LMX1A: variants seen among roughly 807,000 people sequenced by gnomAD.
LMX1A encodes the protein LIM homeobox transcription factor 1-alpha.
In LMX1A, 15 loss-of-function variants were observed where a neutral mutation model predicts 49.1. That is an observed-to-expected ratio of 0.31 (90% CI 0.20 to 0.47). The LOEUF (loss-of-function observed/expected upper bound fraction) is 0.47. Ranked by LOEUF, LMX1A falls within the 20% of genes least tolerant of loss-of-function variation. The probability of loss-of-function intolerance (pLI) is 1.00; values close to 1 mark genes in which losing one functional copy is unlikely to be tolerated. For missense variants in LMX1A, 372 were observed against 475.8 expected (o/e 0.78, Z 2.03); for synonymous variants, 167 against 185.7 (o/e 0.90, Z 0.82).
chr1:165,347,286 A>C (rs1310967439), intron 3 of LMX1A, among the ~76,000 whole-genome samples: 1 of 152,220 alleles, frequency 6.6e-6, no homozygotes, highest in Non-Finnish European at 1.5e-5. Context: ...TCCCCAAACC[A>C]AATCTGAAAA....
intron 3 of LMX1A, among the ~76,000 whole-genome samples, chr1:165,338,076 G>A (rs956554605): frequency 2.0e-5 from 3 of 152,022 alleles, no homozygotes; most frequent in South Asian, 2.1e-4. Context: ...TCCTAAGAAC[G>A]AATAAGTACT....
At chr1:165,272,871 C>CA (rs1409170694) in intron 3 of LMX1A, among the ~76,000 whole-genome samples, 1 of 152,164 alleles carries the variant, frequency 6.6e-6, no homozygotes, top group Non-Finnish European at 1.5e-5. Flanking sequence ...CCCCAGACAA[C>CA]ATAGATAGCT....
intron 3 of LMX1A, among the ~76,000 whole-genome samples, chr1:165,251,563 G>A (rs2102639902): frequency 6.6e-6 from 1 of 152,278 alleles, no homozygotes; most frequent in South Asian, 2.1e-4. Context: ...TGGAAGATAG[G>A]AAAGCATGGG....
At chr1:165,301,678 G>A (rs558727471) in intron 3 of LMX1A, among the ~76,000 whole-genome samples, 8 of 152,238 alleles carry the variant, frequency 5.3e-5, no homozygotes, top group African/African-American at 1.4e-4. Context: ...GTTCCAAGAT[G>A]TACTTTTAAA....
At chr1:165,338,675 C>A (rs16843003) in intron 3 of LMX1A, among the ~76,000 whole-genome samples, 4,297 of 152,258 alleles carry the variant, frequency 0.028, 207 homozygotes, top group African/African-American at 0.099. Flanking sequence ...AACCAGTTGA[C>A]AAGTAGAAAA....
intron 3 of LMX1A, among the ~76,000 whole-genome samples, chr1:165,258,627 A>T (rs1199308846): frequency 6.6e-6 from 1 of 152,218 alleles, no homozygotes; most frequent in Admixed American, 6.5e-5. Context: ...ACTGCTAAGT[A>T]TGATGTCTGC....
intron 4 of LMX1A, among the ~76,000 whole-genome samples, chr1:165,221,406 A>T (rs1651838879): frequency 6.6e-6 from 1 of 151,614 alleles, no homozygotes; most frequent in African/African-American, 2.4e-5. Flanking sequence ...AACTCCCCCC[A>T]ACTATCCTGC....
intron 3 of LMX1A, among the ~76,000 whole-genome samples, chr1:165,290,931 T>C (rs1350403036): frequency 1.3e-5 from 2 of 152,252 alleles, no homozygotes; most frequent in Non-Finnish European, 2.9e-5. Flanking sequence ...GCCACCAGTC[T>C]AGTGGGAATG....
At chr1:165,287,821 T>C (rs1349918478) in intron 3 of LMX1A, among the ~76,000 whole-genome samples, 1 of 152,230 alleles carries the variant, frequency 6.6e-6, no homozygotes, top group Non-Finnish European at 1.5e-5. Flanking sequence ...CTATATGCCT[T>C]ATATTTCTCT....
At position 165,264,842 on chromosome 1, in the gene LMX1A, G is replaced by A. The variant is rs186628580; in HGVS notation, c.264-15202C>T. 7.2e-5 allele frequency among the ~76,000 whole-genome samples: 11 copies of A among 152,124 alleles called. No homozygotes were observed. The East Asian group carries it at 1.4e-3, about 19-fold the overall frequency. ...GGATTACTTGAGCCCAGGAGGTCGA[G>A]GCTGCAGTGAGCCATGTTTAAGCCA... On this transcript the variant is annotated intron_variant, in intron 3 of 8. Transcript: ENST00000342310.
chr1:165,298,582 C>G (rs1654689738), intron 3 of LMX1A, among the ~76,000 whole-genome samples: 1 of 152,212 alleles, frequency 6.6e-6, no homozygotes, highest in South Asian at 2.1e-4. Context: ...GCCAAGGCAG[C>G]TGGCCCATGT....
intron 3 of LMX1A, among the ~76,000 whole-genome samples, chr1:165,322,026 G>C (rs1333494695): frequency 6.6e-6 from 1 of 152,100 alleles, no homozygotes; most frequent in Non-Finnish European, 1.5e-5. Context: ...GACTTAAATA[G>C]ACATTGTTCC....
At chr1:165,346,345 A>C (rs957376870) in intron 3 of LMX1A, among the ~76,000 whole-genome samples, 2 of 152,268 alleles carry the variant, frequency 1.3e-5, no homozygotes, top group Admixed American at 1.3e-4. Flanking sequence ...AGGCTGGAAG[A>C]GATCAAACTC....
Position 165,205,902 on chromosome 1 carries a change from G to A in LMX1A, c.950C>T (p.Thr317Ile). ...GTGGTCTCCAGGCATCTGGGGTGGG[G>A]TGAGACCCTGTCGGAAGGGATCTGA... is the stretch of plus-strand genomic sequence containing the variant. ...YSSDPFRQGL[T>I]PPQMPGDHMH... The change falls in exon 8 of 9, where the codon ACC (threonine) becomes ATC (isoleucine). Residue 317 changes from threonine (T) to isoleucine (I), a missense_variant. Physicochemically the swap from Thr to Ile is moderately conservative, Grantham distance 89. This residue lies in a region of LMX1A where 127 missense variants were observed against 138.0 expected (regional missense o/e 0.92). Transcript: ENST00000342310. The A allele has an allele frequency of 6.2e-7, 1 of 1,614,094 alleles. No homozygotes were observed. Among genetic ancestry groups the A allele is most frequent in the South Asian group, 1.1e-5 (1 of 91,082 alleles).
intron 4 of LMX1A, among the ~76,000 whole-genome samples, chr1:165,216,841 A>T (rs2102607259): frequency 6.6e-6 from 1 of 152,324 alleles, no homozygotes; most frequent in South Asian, 2.1e-4. Flanking sequence ...ATTCAGGCTT[A>T]AATTCTAGCT....
At position 165,272,053 on chromosome 1, in the gene LMX1A, G is replaced by A. The variant is rs569222162; in HGVS notation, c.264-22413C>T. The stretch of plus-strand genomic sequence containing the variant: ...TCGGGGTACATGTGCAGGATGTGCA[G>A]GTTTGTTACATAAGTAAACGTGTGC... On this transcript the variant is annotated intron_variant, in intron 3 of 8. Transcript: ENST00000342310. Among the ~76,000 whole-genome samples the A allele has an allele frequency of 2.0e-5, 3 of 152,110 alleles. No homozygotes were observed. In the South Asian group the frequency reaches 6.2e-4, roughly 32 times the overall value.
chr1:165,354,134 A>C (rs1317524395), intron 2 of LMX1A, among the ~76,000 whole-genome samples: 3 of 152,072 alleles, frequency 2.0e-5, no homozygotes, highest in African/African-American at 4.8e-5. Context: ...GGCACTTTTC[A>C]CAGCTATTTA....
intron 4 of LMX1A, among the ~76,000 whole-genome samples, chr1:165,236,218 C>A (rs1319069199): frequency 6.6e-6 from 1 of 152,224 alleles, no homozygotes; most frequent in Non-Finnish European, 1.5e-5. Flanking sequence ...CGCCCTTTCG[C>A]TAAGGCTGGG....
At chr1:165,282,586 A>G (rs565348797) in intron 3 of LMX1A, among the ~76,000 whole-genome samples, 1 of 152,182 alleles carries the variant, frequency 6.6e-6, no homozygotes, top group African/African-American at 2.4e-5. Flanking sequence ...ACCCTCAGAT[A>G]TGGAGGCCGA....
Sources: gnomAD v4.1 joint callset for allele counts (sites outside exome capture counted in the v4.1 genomes callset) on GRCh38, gnomAD v4.1.1 for gene constraint, gnomAD v4.1.1 regional missense constraint, MANE v1.5 for transcripts, NCBI Gene and HGNC (gene_info 2026-07-23, HGNC 2026-07-21) for gene names.